The following CDK14 variants were observed in gnomAD, a reference collection of about 807,000 sequenced individuals.
CDK14 encodes cyclin dependent kinase 14.
A neutral mutation model predicts 60.7 loss-of-function variants in CDK14; 34 were observed. The observed-to-expected ratio is 0.56, with a 90% confidence interval of 0.43 to 0.75. CDK14 has a LOEUF of 0.75. Among genes scored for constraint, CDK14 ranks in the 30% least tolerant of loss-of-function variants. The pLI is 0.00. For synonymous variants in CDK14, 197 were observed against 203.7 expected (o/e 0.97, Z 0.28); for missense variants, 482 against 564.1 (o/e 0.85, Z 1.47).
At chr7:90,986,372 G>A (rs1191753978) in intron 10 of CDK14, among the ~76,000 whole-genome samples, 1 of 151,876 alleles carries the variant, frequency 6.6e-6, no homozygotes, top group Non-Finnish European at 1.5e-5. Flanking sequence ...TATAGATGTA[G>A]ACTATTTGTT....
intron 3 of CDK14, 82 bp from the exon 4 acceptor site, chr7:90,747,599 G>A: frequency 2.7e-6 from 2 of 751,620 alleles, no homozygotes; most frequent in East Asian, 3.0e-5. Context: ...CAGAGAATCT[G>A]TACATTTTTA....
At chr7:90,777,688 T>C (rs959581226) in intron 4 of CDK14, among the ~76,000 whole-genome samples, 3 of 152,158 alleles carry the variant, frequency 2.0e-5, no homozygotes, top group Non-Finnish European at 4.4e-5. Flanking sequence ...CTAGTGCACA[T>C]AGGGGCAGCT....
chr7:91,074,868 A>G (rs1798250558), intron 11 of CDK14, among the ~76,000 whole-genome samples: 1 of 152,236 alleles, frequency 6.6e-6, no homozygotes. Context: ...AAACACCTCT[A>G]CACAAATAAA....
Position 90,899,363 on chromosome 7 carries a change from G to T in CDK14, c.702+10G>T. On this transcript the variant is annotated intron_variant, in intron 7 of 14. Transcript: ENST00000380050. ...TCCAGATAATGTGAAGGTAGGAAAA[G>T]ATCTTTTTAAGCCAAAGGTTAGCAT... The T allele has an allele frequency of 6.3e-7, 1 of 1,588,588 alleles. No individual in the cohort carries two copies. The highest frequency in any genetic ancestry group is 8.6e-7 in the Non-Finnish European group (1 of 1,168,422).
chr7:91,087,923 T>A (rs1425849590), intron 12 of CDK14, among the ~76,000 whole-genome samples: 4 of 152,236 alleles, frequency 2.6e-5, no homozygotes, highest in African/African-American at 4.8e-5. Context: ...AATGCAATAC[T>A]GTGATTTGTT....
At chr7:90,608,852 A>G (rs1222602710) in intron 2 of CDK14, among the ~76,000 whole-genome samples, 1 of 152,172 alleles carries the variant, frequency 6.6e-6, no homozygotes, top group Non-Finnish European at 1.5e-5. Flanking sequence ...AAAAAATTCT[A>G]CATCTGGTCT....
chr7:90,823,353 A>G (rs975126037), intron 5 of CDK14, among the ~76,000 whole-genome samples: 3 of 152,178 alleles, frequency 2.0e-5, no homozygotes, highest in Non-Finnish European at 2.9e-5. Context: ...TAGAATGACA[A>G]TTTCTGTTTT....
At chr7:90,806,492 C>A (rs1274388908) in intron 5 of CDK14, among the ~76,000 whole-genome samples, 1 of 152,106 alleles carries the variant, frequency 6.6e-6, no homozygotes, top group African/African-American at 2.4e-5. Flanking sequence ...ATATGAATGG[C>A]GAAGATGGCC....
intron 1 of CDK14, 51 bp from the exon 2 acceptor site, chr7:90,604,167 C>G: frequency 8.1e-7 from 1 of 1,234,688 alleles, no homozygotes; most frequent in Non-Finnish European, 1.1e-6. Context: ...ATAACTTAGT[C>G]TCTTTGGAAT....
chr7:90,963,778 C>T (rs111530672), intron 9 of CDK14, among the ~76,000 whole-genome samples: 17 of 141,812 alleles, frequency 1.2e-4, no homozygotes, highest in Middle Eastern at 4.0e-3. Context: ...TGCAATGGCG[C>T]GATCTCAGCT....
intron 4 of CDK14, among the ~76,000 whole-genome samples, chr7:90,761,249 C>T (rs1477275719): frequency 6.6e-6 from 1 of 151,902 alleles, no homozygotes; most frequent in Non-Finnish European, 1.5e-5. Flanking sequence ...ACGCTCAATA[C>T]AATCAGTGAT....
At chr7:91,108,061 A>G (rs1416126854) in intron 12 of CDK14, among the ~76,000 whole-genome samples, 1 of 152,222 alleles carries the variant, frequency 6.6e-6, no homozygotes, top group Non-Finnish European at 1.5e-5. Flanking sequence ...TAATCCCAGT[A>G]CTTTAGGAGG....
chr7:90,641,596 A>G (rs1432149241), intron 2 of CDK14, among the ~76,000 whole-genome samples: 1 of 151,556 alleles, frequency 6.6e-6, no homozygotes, highest in Non-Finnish European at 1.5e-5. Context: ...CAGAAAGTAG[A>G]TTAATGGTTG....
chr7:91,174,045 T>A (rs924896815), intron 14 of CDK14, among the ~76,000 whole-genome samples: 15 of 152,282 alleles, frequency 9.9e-5, no homozygotes, highest in Non-Finnish European at 1.8e-4. Flanking sequence ...CTCCGCAGAC[T>A]TAAATGTCCC....
At chr7:91,083,907 A>G (rs892611696) in intron 12 of CDK14, among the ~76,000 whole-genome samples, 6 of 152,254 alleles carry the variant, frequency 3.9e-5, no homozygotes, top group African/African-American at 1.4e-4. Flanking sequence ...TGGCAACAGC[A>G]TAAATGTGAA....
chr7:90,854,943 C>A (rs1164706895), intron 5 of CDK14, among the ~76,000 whole-genome samples: 1 of 152,144 alleles, frequency 6.6e-6, no homozygotes, highest in Non-Finnish European at 1.5e-5. Flanking sequence ...AAGTTACTAG[C>A]AAGATGTTTG....
intron 14 of CDK14, among the ~76,000 whole-genome samples, chr7:91,156,256 C>T (rs1050423637): frequency 1.6e-4 from 24 of 152,166 alleles, no homozygotes; most frequent in Admixed American, 5.2e-4. Context: ...GTCTACCTGA[C>T]TTTGAATTAA....
intron 5 of CDK14, among the ~76,000 whole-genome samples, chr7:90,791,204 T>G (rs895578226): frequency 6.6e-6 from 1 of 152,172 alleles, no homozygotes; most frequent in Non-Finnish European, 1.5e-5. Context: ...AATGTAGTTA[T>G]TTGCTACATA....
At chr7:91,070,312 T>C (rs1448842876) in intron 11 of CDK14, among the ~76,000 whole-genome samples, 2 of 152,158 alleles carry the variant, frequency 1.3e-5, no homozygotes, top group African/African-American at 4.8e-5. Flanking sequence ...GTGATGGTGG[T>C]GTTTATGTTT....
Sources: gnomAD v4.1 joint callset for allele counts (sites outside exome capture counted in the v4.1 genomes callset) on GRCh38, gnomAD v4.1.1 for gene constraint, MANE v1.5 for transcripts, NCBI Gene and HGNC (gene_info 2026-07-23, HGNC 2026-07-21) for gene names.